The following NBPF20 variants were observed in gnomAD, a reference collection of about 807,000 sequenced individuals.
NBPF20 encodes NBPF family member NBPF20.
NBPF20 carries 90 observed loss-of-function variants against 68.1 expected under a neutral mutation model. That is an observed-to-expected ratio of 1.32 (90% CI 1.11 to 1.58). The LOEUF (loss-of-function observed/expected upper bound fraction) is 1.58. NBPF20 is among the 40% of genes most tolerant of loss of function. The pLI is 0.00. For missense variants in NBPF20, 816 were observed against 601.2 expected, an observed-to-expected ratio of 1.36 and a Z score of -3.74; for synonymous variants, 290 against 228.1, an observed-to-expected ratio of 1.27 and a Z score of -2.45.
upstream of NBPF20, among the ~76,000 whole-genome samples, chr1:145,408,716 CCAATCAA>C (rs1571384117): frequency 6.6e-6 from 1 of 151,898 alleles, no homozygotes; most frequent in African/African-American, 2.4e-5. Context: ...ATTGAGTCTT[CCAATCAA>C]TAAACATGAT....
At chr1:145,314,191 AAGAC>A (rs1661512804) in intron 109 of NBPF20, among the ~76,000 whole-genome samples, 187 bp from the exon 115 acceptor site, 3 of 135,458 alleles carry the variant, frequency 2.2e-5, no homozygotes, top group South Asian at 4.9e-4. Flanking sequence ...ATGAAAGAGA[AAGAC>A]AGATAGACAC....
At chr1:145,398,128 C>A (rs1553664387) in intron 7 of NBPF20, among the ~76,000 whole-genome samples, 55 of 152,078 alleles carry the variant, frequency 3.6e-4, no homozygotes, top group Admixed American at 1.1e-3. Flanking sequence ...ACACAATCAT[C>A]ATGGGAGACT....
the NBPF20 span, among the ~76,000 whole-genome samples, chr1:145,417,303 T>C: frequency 6.6e-6 from 1 of 151,268 alleles, no homozygotes; most frequent in Admixed American, 6.6e-5. Flanking sequence ...GCATGTTATA[T>C]ACCCTTTATA....
At chr1:145,410,763 TAC>T in the NBPF20 span, among the ~76,000 whole-genome samples, 3 of 140,014 alleles carry the variant, frequency 2.1e-5, no homozygotes, top group African/African-American at 7.9e-5. Context: ...TATATATATA[TAC>T]GTATATATAT....
chr1:145,421,426 T>G, the NBPF20 span, among the ~76,000 whole-genome samples: 1 of 152,234 alleles, frequency 6.6e-6, no homozygotes, highest in Non-Finnish European at 1.5e-5. Flanking sequence ...TGACTGTGAC[T>G]CTGCTGTATA....
chr1:145,409,967 C>A (rs78803609), upstream of NBPF20, among the ~76,000 whole-genome samples: 2 of 151,880 alleles, frequency 1.3e-5, no homozygotes, highest in Non-Finnish European at 2.9e-5. Context: ...TACGGAGCCA[C>A]GAGAAACAGC....
At chr1:145,291,444 G>T in exon 138 of NBPF20, 1 of 1,611,490 alleles carries the variant, frequency 6.2e-7, no homozygotes, top group Non-Finnish European at 8.5e-7. Context: ...GCTTCCAAAT[G>T]GAACTGTACT....
the NBPF20 span, among the ~76,000 whole-genome samples, chr1:145,413,398 AACT>A: frequency 2.0e-5 from 3 of 151,460 alleles, no homozygotes; most frequent in Admixed American, 6.6e-5. Flanking sequence ...TAATAGGAAA[AACT>A]GGAAACATTC....
chr1:145,291,824 GC>G (rs1661120581), intron 137 of NBPF20, 55 bp from the exon 143 acceptor site: 1 of 1,611,554 alleles, frequency 6.2e-7, no homozygotes, highest in Non-Finnish European at 8.5e-7. Flanking sequence ...AAACCACAGA[GC>G]CCCACTAGAT....
chr1:145,394,280 C>G (rs1553663185), intron 8 of NBPF20, among the ~76,000 whole-genome samples: 1 of 151,192 alleles, frequency 6.6e-6, no homozygotes, highest in Non-Finnish European at 1.5e-5. Context: ...TTTCTCTCAT[C>G]AAATACCCAG....
intron 75 of NBPF20, among the ~76,000 whole-genome samples, 182 bp from the exon 81 acceptor site, chr1:145,341,121 G>T (rs1661609362): frequency 3.5e-5 from 3 of 85,726 alleles, no homozygotes; most frequent in Admixed American, 1.1e-4. Context: ...AACAATGAAA[G>T]AGAAAGACAG....
intron 6 of NBPF20, among the ~76,000 whole-genome samples, chr1:145,400,010 A>C (rs1662439671): frequency 6.6e-6 from 1 of 152,222 alleles, no homozygotes; most frequent in East Asian, 1.9e-4. Context: ...AATATTTCCA[A>C]ATACAAAGGC....
intron 9 of NBPF20, 38 bp from the exon 15 acceptor site, chr1:145,393,284 G>A (rs1196243148): frequency 1.2e-5 from 8 of 665,760 alleles, no homozygotes; most frequent in East Asian, 2.7e-5. Flanking sequence ...AAGCCAGGGG[G>A]AATCAGAAAC....
At chr1:145,402,209 C>A in exon 4 of NBPF20, 1 of 1,595,418 alleles carries the variant, frequency 6.3e-7, no homozygotes. Context: ...AGTCTACACC[C>A]CTCAGCCAGC....
exon 137 of NBPF20, chr1:145,292,477 T>A (rs782425663): frequency 2.8e-6 from 2 of 716,626 alleles, no homozygotes; most frequent in South Asian, 2.9e-5. Flanking sequence ...CCCCTTCCCC[T>A]TCTTTTCAAT....
intron 14 of NBPF20, 106 bp downstream of exon 19, chr1:145,389,838 G>A: frequency 6.5e-5 from 1 of 15,448 alleles, no homozygotes; most frequent in East Asian, 1.8e-3. Context: ...GGTCCTCCCT[G>A]TGGCAATGAC....
At chr1:145,291,292 T>C (rs1322049409) in exon 138 of NBPF20, 28 of 653,424 alleles carry the variant, frequency 4.3e-5, no homozygotes, top group Admixed American at 2.4e-4. Context: ...GTCTGACTGA[T>C]CACTCCCGGC....
At chr1:145,298,503 GT>G (rs1661352948) in intron 129 of NBPF20, among the ~76,000 whole-genome samples, 1 of 88,298 alleles carries the variant, frequency 1.1e-5, no homozygotes, top group East Asian at 4.0e-4. Context: ...TGAAAAGACT[GT>G]GCTCAATAAT....
rs1452185195 is a variant in NBPF20, at chr1:145,397,196, C to A, written c.827+1853G>T. 3.6e-3 allele frequency among the ~76,000 whole-genome samples: 538 copies of A among 148,960 alleles called. 4 individuals carry two copies. Among genetic ancestry groups the A allele is most frequent in the South Asian group, 0.02 (89 of 4,558 alleles). On this transcript the variant is annotated intron_variant, in intron 7 of 137. Transcript: ENST00000369373. The stretch of plus-strand genomic sequence containing the variant: ...CTGGATATTTGGCTTGGTTCCAAGT[C>A]TTTGCTATTGTGAATAGTGCCACAA...
Sources: allele counts gnomAD v4.1 joint callset (sites outside exome capture counted in the v4.1 genomes callset), GRCh38; gene constraint gnomAD v4.1.1; transcripts MANE v1.5; gene names NCBI Gene and HGNC (gene_info 2026-07-23, HGNC 2026-07-21).